Variants in L3MBTL4 observed in about 807,000 individuals in gnomAD.
L3MBTL4 encodes lethal(3)malignant brain tumor-like protein 4.
Under a neutral mutation model 84.5 loss-of-function variants are expected in L3MBTL4, and 70 were observed. That is an observed-to-expected ratio of 0.83 (90% CI 0.68 to 1.01). The LOEUF is 1.01. L3MBTL4 is among the 50% of genes least tolerant of loss of function. The probability of loss-of-function intolerance (pLI) is 0.00; values close to 1 mark genes in which losing one functional copy is unlikely to be tolerated. For synonymous variants in L3MBTL4, 274 were observed against 259.8 expected, an observed-to-expected ratio of 1.05 and a Z score of -0.52; for missense variants, 715 against 754.8, an observed-to-expected ratio of 0.95 and a Z score of 0.62.
intron 16 of L3MBTL4, among the ~76,000 whole-genome samples, chr18:6,045,959 C>T (rs986004254): frequency 1.3e-5 from 2 of 152,086 alleles, no homozygotes; most frequent in Admixed American, 6.5e-5. Flanking sequence ...GACAAAGAAA[C>T]ATGATAATTC....
intron 1 of L3MBTL4, among the ~76,000 whole-genome samples, chr18:6,317,564 A>G (rs1198476165): frequency 6.6e-6 from 1 of 152,194 alleles, no homozygotes; most frequent in Non-Finnish European, 1.5e-5. Flanking sequence ...TAAAAAATAA[A>G]TAAGAAGGAA....
intron 1 of L3MBTL4, among the ~76,000 whole-genome samples, chr18:6,386,061 G>A (rs1305611212): frequency 6.6e-6 from 1 of 152,158 alleles, no homozygotes; most frequent in Non-Finnish European, 1.5e-5. Context: ...GGAGAGATAA[G>A]CCATGTATAT....
intron 5 of L3MBTL4, among the ~76,000 whole-genome samples, chr18:6,245,116 G>A (rs532414998): frequency 6.6e-6 from 1 of 152,208 alleles, no homozygotes; most frequent in East Asian, 1.9e-4. Flanking sequence ...GGCTAGGCTG[G>A]TCTTGAACTC....
intron 13 of L3MBTL4, among the ~76,000 whole-genome samples, chr18:6,161,970 A>G (rs1204681564): frequency 1.3e-5 from 2 of 150,780 alleles, no homozygotes; most frequent in African/African-American, 4.9e-5. Context: ...GAGAGAATAT[A>G]CCTGTGTGTG....
At position 6,093,516 on chromosome 18, in the gene L3MBTL4, G is replaced by A. The variant is rs762043971; in HGVS notation, c.1212C>T (p.Cys404=). ...TTTTCAAGTTCATGTCTGAATACGGGCAGCCAAAAGCACTGGTTTGTATAA... is the reference window on the plus strand; with the variant it reads ...TTTTCAAGTTCATGTCTGAATACGGACAGCCAAAAGCACTGGTTTGTATAA... ...RYSGHHSAFG[C]PYSDMNLKKE... The change falls in exon 15 of 19, where the codon TGC becomes TGT. Residue 404 remains cysteine (C), a synonymous_variant. Transcript: ENST00000317931. The A allele has an allele frequency of 3.1e-6, 5 of 1,612,366 alleles. No individual in the cohort carries two copies. The South Asian group carries it at 5.5e-5, about 18-fold the overall frequency.
intron 5 of L3MBTL4, among the ~76,000 whole-genome samples, chr18:6,248,325 G>A (rs1457641227): frequency 6.6e-6 from 1 of 152,140 alleles, no homozygotes; most frequent in Non-Finnish European, 1.5e-5. Flanking sequence ...CAAGAATGGA[G>A]TATATTGTTA....
intron 1 of L3MBTL4, among the ~76,000 whole-genome samples, chr18:6,408,367 C>A (rs796918478): frequency 1.5e-4 from 23 of 152,312 alleles, no homozygotes; most frequent in African/African-American, 5.5e-4. Flanking sequence ...ATATAGCTGA[C>A]CCCACCAGCA....
At chr18:6,243,573 A>C in intron 6 of L3MBTL4, 144 bp from the exon 7 acceptor site, 1 of 569,768 alleles carries the variant, frequency 1.8e-6, no homozygotes, top group Non-Finnish European at 2.8e-6. Flanking sequence ...ATTAAAGAAG[A>C]AATTTATGGA....
intron 12 of L3MBTL4, among the ~76,000 whole-genome samples, chr18:6,193,372 C>G (rs929519083): frequency 1.3e-5 from 2 of 152,040 alleles, no homozygotes; most frequent in Non-Finnish European, 2.9e-5. Context: ...AGAGTCAAAC[C>G]CAGAGGGCTT....
At chr18:6,257,687 C>T (rs1187248370) in intron 5 of L3MBTL4, among the ~76,000 whole-genome samples, 1 of 143,710 alleles carries the variant, frequency 7.0e-6, no homozygotes, top group Non-Finnish European at 1.5e-5. Flanking sequence ...GCTCTTGTTG[C>T]CCAGGCTGGA....
chr18:6,081,078 C>T (rs2058061880), intron 15 of L3MBTL4, 127 bp from the exon 16 acceptor site: 1 of 582,446 alleles, frequency 1.7e-6, no homozygotes. Flanking sequence ...TATTTTGCTG[C>T]ACAGAGCCTT....
chr18:6,011,930 C>T (rs1171416813), intron 16 of L3MBTL4, among the ~76,000 whole-genome samples: 1 of 152,180 alleles, frequency 6.6e-6, no homozygotes, highest in East Asian at 1.9e-4. Context: ...GAAACAATGG[C>T]CTGGGCTGCT....
chr18:6,056,628 C>T (rs603204), intron 16 of L3MBTL4, among the ~76,000 whole-genome samples: 2 of 152,156 alleles, frequency 1.3e-5, no homozygotes, highest in East Asian at 3.9e-4. Flanking sequence ...CAGGGCTCAG[C>T]CACAAAGCGA....
chr18:6,128,176 T>C (rs1284716728), intron 14 of L3MBTL4, among the ~76,000 whole-genome samples: 2 of 145,626 alleles, frequency 1.4e-5, no homozygotes, highest in African/African-American at 5.1e-5. Flanking sequence ...TCTCAGAAAC[T>C]GAAAAAAAAA....
At chr18:6,026,400 C>T (rs1013500118) in intron 16 of L3MBTL4, among the ~76,000 whole-genome samples, 2 of 152,186 alleles carry the variant, frequency 1.3e-5, no homozygotes, top group African/African-American at 4.8e-5. Context: ...TATTATTCAA[C>T]ATTTCCAATT....
At chr18:6,046,637 T>G (rs2056631244) in intron 16 of L3MBTL4, 4 of 663,920 alleles carry the variant, frequency 6.0e-6, no homozygotes, top group Non-Finnish European at 1.1e-5. Context: ...ATTAGAAAAC[T>G]TGCACCTGAA....
intron 12 of L3MBTL4, among the ~76,000 whole-genome samples, chr18:6,175,815 T>C (rs1456674100): frequency 6.6e-6 from 1 of 152,122 alleles, no homozygotes; most frequent in Non-Finnish European, 1.5e-5. Context: ...AACATTGTAA[T>C]GTAGTGCAAT....
intron 1 of L3MBTL4, among the ~76,000 whole-genome samples, chr18:6,368,498 G>T (rs935895146): frequency 1.1e-4 from 17 of 152,122 alleles, no homozygotes; most frequent in Admixed American, 1.1e-3. Context: ...CAAGGTCCCT[G>T]CTAAGCACTT....
chr18:6,172,423 C>T (rs928101458), intron 12 of L3MBTL4, among the ~76,000 whole-genome samples: 6 of 152,076 alleles, frequency 3.9e-5, no homozygotes, highest in African/African-American at 7.2e-5. Context: ...AAATGAGAGA[C>T]GGGCCCATTG....
Sources: allele counts gnomAD v4.1 joint callset (sites outside exome capture counted in the v4.1 genomes callset), GRCh38; gene constraint gnomAD v4.1.1; transcripts MANE v1.5; gene names NCBI Gene and HGNC (gene_info 2026-07-23, HGNC 2026-07-21).